The following ABCA12 variants were observed in gnomAD, a reference collection of about 807,000 sequenced individuals.
The protein encoded by ABCA12 is ATP binding cassette subfamily A member 12, also known as glucosylceramide transporter ABCA12.
Under a neutral mutation model 293.5 loss-of-function variants are expected in ABCA12, and 156 were observed. That is an observed-to-expected ratio of 0.53 (90% CI 0.47 to 0.61). The LOEUF is 0.61. ABCA12 is among the 20% of genes least tolerant of loss of function. ABCA12 has a pLI of 0.00. For synonymous variants in ABCA12, 1,063 were observed against 1,108.0 expected (o/e 0.96, Z 0.81); for missense variants, 2,797 against 3,090.2 (o/e 0.91, Z 2.25).
intron 49 of ABCA12, 148 bp downstream of exon 49, chr2:214,944,853 T>A (rs1206560187): frequency 1.6e-6 from 1 of 619,206 alleles, no homozygotes. Context: ...TATATTTGTG[T>A]GTATATATTT....
chr2:214,991,705 T>A (rs149650193), intron 23 of ABCA12, among the ~76,000 whole-genome samples: 17 of 152,216 alleles, frequency 1.1e-4, no homozygotes, highest in South Asian at 2.1e-4. Flanking sequence ...CTCATGTATC[T>A]GAGATCCTCT....
At chr2:215,118,319 T>A (rs185959997) in intron 1 of ABCA12, among the ~76,000 whole-genome samples, 194 of 152,218 alleles carry the variant, frequency 1.3e-3, no homozygotes, top group South Asian at 3.9e-3. Flanking sequence ...GAAGAATCAT[T>A]TGAACCCAAG....
chr2:215,011,314 T>G (rs1700366744), intron 17 of ABCA12, 125 bp downstream of exon 17: 1 of 763,304 alleles, frequency 1.3e-6, no homozygotes, highest in African/African-American at 1.8e-5. Flanking sequence ...TGCTGTATAA[T>G]TATTTTCTAT....
At chr2:215,072,769 T>A (rs1701761496) in intron 2 of ABCA12, among the ~76,000 whole-genome samples, 1 of 152,204 alleles carries the variant, frequency 6.6e-6, no homozygotes, top group African/African-American at 2.4e-5. Context: ...AAAATCTCAC[T>A]CATACTTTCA....
At chr2:215,126,066 T>C (rs1214237813) in intron 1 of ABCA12, among the ~76,000 whole-genome samples, 1 of 152,210 alleles carries the variant, frequency 6.6e-6, no homozygotes, top group Admixed American at 6.5e-5. Flanking sequence ...GTGATTTTTG[T>C]TTTTAATTCT....
intron 1 of ABCA12, among the ~76,000 whole-genome samples, chr2:215,112,753 C>T (rs1702603562): frequency 6.6e-6 from 1 of 152,028 alleles, no homozygotes; most frequent in Admixed American, 6.6e-5. Context: ...GCCTCAGCCT[C>T]CCAAAGTGCT....
chr2:215,065,568 A>G (rs1701626224), intron 2 of ABCA12, among the ~76,000 whole-genome samples: 1 of 152,026 alleles, frequency 6.6e-6, no homozygotes, highest in Non-Finnish European at 1.5e-5. Context: ...AGGGAAAAAG[A>G]GAGATTGGAG....
chr2:215,018,090 T>C lies in ABCA12; in HGVS notation c.1700A>G (p.Glu567Gly). The change falls in exon 14 of 53, where the codon GAA becomes GGA. Residue 567 changes from glutamate to glycine, a missense_variant. Coordinates refer to ENST00000272895, the MANE Select transcript of ABCA12 (RefSeq NM_173076.3). ...EMFKNVEELK[E>G]DLRRTTGMSN... ...CATTCCTGTTGTTCTCCTTAAATCT[T>C]CTTTCAGCTCTTCAACATTTTTAAA... The C allele has an allele frequency of 6.2e-7, 1 of 1,614,044 alleles. No homozygotes were observed.
intron 27 of ABCA12, 32 bp downstream of exon 27, chr2:214,987,615 A>C (rs1325948121): frequency 5.0e-6 from 8 of 1,597,332 alleles, no homozygotes; most frequent in African/African-American, 1.3e-5. Context: ...TTTCTCTCAT[A>C]ACAAAGCACG....
chr2:214,953,646 A>G (rs778634181), intron 44 of ABCA12, among the ~76,000 whole-genome samples: 7 of 152,234 alleles, frequency 4.6e-5, no homozygotes, highest in Non-Finnish European at 1.0e-4. Flanking sequence ...TCCCTCACTC[A>G]ACAGCAATAG....
At chr2:214,999,699 TCA>T in intron 22 of ABCA12, 3 of 535,210 alleles carry the variant, frequency 5.6e-6, no homozygotes, top group Non-Finnish European at 7.2e-6. Flanking sequence ...CCATTGCAGT[TCA>T]CACATAGTTC....
intron 3 of ABCA12, among the ~76,000 whole-genome samples, chr2:215,060,529 CAA>C (rs1333267123): frequency 6.6e-6 from 1 of 151,832 alleles, no homozygotes; most frequent in Non-Finnish European, 1.5e-5. Context: ...TATGTAGTAA[CAA>C]AAATGTAATA....
chr2:214,997,576 T>C lies in ABCA12; in HGVS notation c.3294+119A>G, dbSNP rs1480417963. 11 of 719,950 alleles carry C rather than the reference T, an allele frequency of 1.5e-5. No individual in the cohort carries two copies. In the South Asian group the frequency reaches 2.2e-4, roughly 14 times the overall value. 44.6% of individuals were successfully genotyped at this position (719,950 alleles called of 1,614,324 possible). On this transcript the variant is annotated intron_variant, in intron 23 of 52. Transcript: ENST00000272895. Reference sequence around the variant, plus strand: ...TTGTGATTTGTAAAAGGTTTTTCTTTCTGTTTAATTCACAAGGGATAAGTT... The same window carrying C: ...TTGTGATTTGTAAAAGGTTTTTCTTCCTGTTTAATTCACAAGGGATAAGTT...
chr2:214,953,729 T>C, intron 44 of ABCA12, 125 bp downstream of exon 44: 4 of 1,270,654 alleles, frequency 3.1e-6, no homozygotes, highest in South Asian at 2.9e-5. Context: ...TAGAATTTTT[T>C]AAAAGTTTTT....
intron 2 of ABCA12, among the ~76,000 whole-genome samples, chr2:215,108,156 C>T (rs1223446932): frequency 6.6e-6 from 1 of 152,178 alleles, no homozygotes; most frequent in Non-Finnish European, 1.5e-5. Context: ...CTGTAGCCCA[C>T]AAATGATTTT....
intron 2 of ABCA12, 56 bp from the exon 3 acceptor site, chr2:215,064,275 C>T: frequency 3.8e-6 from 6 of 1,575,056 alleles, no homozygotes; most frequent in Non-Finnish European, 5.2e-6. Context: ...TGGGAAAGAA[C>T]ATAAATGCAG....
At chr2:215,025,834 A>G in intron 10 of ABCA12, 55 bp from the exon 11 acceptor site, 1 of 1,311,294 alleles carries the variant, frequency 7.6e-7, no homozygotes, top group Non-Finnish European at 1.1e-6. Flanking sequence ...CATTTAGGAA[A>G]CCAGTTTGAA....
chr2:215,116,325 G>C (rs1035653825), intron 1 of ABCA12, among the ~76,000 whole-genome samples: 26 of 152,140 alleles, frequency 1.7e-4, no homozygotes, highest in African/African-American at 5.3e-4. Flanking sequence ...ATTGCTAGTG[G>C]GGTCTCAATA....
At chr2:215,012,636 T>C (rs1338934914) in intron 15 of ABCA12, among the ~76,000 whole-genome samples, 1 of 152,138 alleles carries the variant, frequency 6.6e-6, no homozygotes, top group East Asian at 1.9e-4. Context: ...GGCTAGAGAT[T>C]GAAATGAGAC....
Sources: gnomAD v4.1 joint callset for allele counts (sites outside exome capture counted in the v4.1 genomes callset) on GRCh38, gnomAD v4.1.1 for gene constraint, MANE v1.5 for transcripts, NCBI Gene and HGNC (gene_info 2026-07-23, HGNC 2026-07-21) for gene names.